Variants in GALNT9 observed in about 807,000 individuals in gnomAD.
The protein encoded by GALNT9 is polypeptide N-acetylgalactosaminyltransferase 9.
A neutral mutation model predicts 63.1 loss-of-function variants in GALNT9; 47 were observed. The observed-to-expected ratio is 0.75, with a 90% CI of 0.59 to 0.95. The LOEUF (loss-of-function observed/expected upper bound fraction) is 0.95. GALNT9 is among the 40% of genes least tolerant of loss of function. The probability of loss-of-function intolerance (pLI) is 0.00; values close to 1 mark genes in which losing one functional copy is unlikely to be tolerated. For synonymous variants in GALNT9, 396 were observed against 365.7 expected, an observed-to-expected ratio of 1.08 and a Z score of -0.94; for missense variants, 829 against 874.8, an observed-to-expected ratio of 0.95 and a Z score of 0.66.
intron 2 of GALNT9, among the ~76,000 whole-genome samples, chr12:132,271,969 G>A (rs1879883005): frequency 6.6e-6 from 1 of 152,168 alleles, no homozygotes; most frequent in Non-Finnish European, 1.5e-5. Flanking sequence ...TTGGGGACAC[G>A]TTTGCCAACT....
At chr12:132,261,268 A>G in intron 3 of GALNT9, 146 bp from the exon 4 acceptor site, 2 of 1,287,328 alleles carry the variant, frequency 1.6e-6, no homozygotes, top group South Asian at 3.0e-5. Flanking sequence ...CATGTGGTTC[A>G]GCGTGGAGGT....
intron 1 of GALNT9, among the ~76,000 whole-genome samples, chr12:132,304,614 CGGGCACAGCCTCACCG>C (rs1239008460): frequency 9.8e-5 from 3 of 30,656 alleles, no homozygotes; most frequent in Non-Finnish European, 1.7e-4. Context: ...CAGCCTCACC[CGGGCACAGCCTCACCG>C]GGGCACACCC....
At chr12:132,313,746 T>G (rs1247844799) in intron 1 of GALNT9, among the ~76,000 whole-genome samples, 1 of 84,638 alleles carries the variant, frequency 1.2e-5, no homozygotes, top group Non-Finnish European at 2.3e-5. Flanking sequence ...ACTCATCCAT[T>G]CATCCATCCA....
Position 132,245,432 on chromosome 12 carries a change from ACT to A in GALNT9, c.1077+2476_1077+2477del, listed in dbSNP as rs1275422100. Among the ~76,000 whole-genome samples, 1 of 151,748 alleles carries A rather than the reference ACT, an allele frequency of 6.6e-6. No individual in the cohort carries two copies. The highest frequency in any genetic ancestry group is 1.5e-5 in the Non-Finnish European group (1 of 67,924). On this transcript the variant is annotated intron_variant, in intron 6 of 10. Coordinates refer to ENST00000328957, the MANE Select transcript of GALNT9 (RefSeq NM_001122636.2). The surrounding 1 kb of genome is among the most constrained non-coding windows in gnomAD (Gnocchi z 6.3). ...ACTCCAGCCTGGGCAACAGAGTAAG[ACT>A]CTGTCTTAAAAAAAAGAAAGGCCCA...
Position 132,265,284 on chromosome 12 carries a change from C to T in GALNT9, c.420-2659G>A, listed in dbSNP as rs1269952160. ...GGGAGAGGCCACGGGGAGAAAATGA[C>T]GGCTGGACCGGTCCTCCCCGTGGAA... On this transcript the variant is annotated intron_variant, in intron 2 of 10. Transcript: ENST00000328957. This position sits in a 1 kb window ranked among gnomAD's most constrained non-coding sequence, Gnocchi z 5.3. Among the ~76,000 whole-genome samples the T allele has an allele frequency of 6.6e-6, 1 of 152,184 alleles. No individual in the cohort carries two copies. The highest frequency in any genetic ancestry group is 2.4e-5 in the African/African-American group (1 of 41,446).
rs763522555 is a variant in GALNT9, at chr12:132,201,130, G to A, written c.1395C>T (p.Tyr465=). The change falls in exon 8 of 11, where the codon TAC becomes TAT. Residue 465 remains tyrosine (Y), a synonymous_variant. Transcript: ENST00000328957. ...EMRVYNNTLT[Y]GEVRNSKASA... ...CCCTCGGGGGAGGTGCTACCTCTCC[G>A]TACGTGAGGGTGTTGTTGTAGACCC... 17 of 1,612,834 alleles carry A rather than the reference G, an allele frequency of 1.1e-5. No individual in the cohort carries two copies. Among genetic ancestry groups the A allele is most frequent in the Non-Finnish European group, 1.2e-5 (14 of 1,179,562 alleles).
At chr12:132,300,302 G>C (rs1444312213) in intron 1 of GALNT9, among the ~76,000 whole-genome samples, 35 of 121,600 alleles carry the variant, frequency 2.9e-4, no homozygotes, top group East Asian at 7.9e-4. Context: ...AGATGACCAA[G>C]CCACTCCTGA....
At chr12:132,203,459 C>G (rs368976040) in intron 7 of GALNT9, 46 bp downstream of exon 7, 2 of 1,600,938 alleles carry the variant, frequency 1.2e-6, no homozygotes, top group South Asian at 2.2e-5. Context: ...GGCATTGACC[C>G]CGACCCTGGG....
At chr12:132,220,666 G>C (rs1334803101) in intron 6 of GALNT9, among the ~76,000 whole-genome samples, 1 of 152,184 alleles carries the variant, frequency 6.6e-6, no homozygotes. Context: ...TGAGAAACAG[G>C]AAGGAGACAT....
At chr12:132,243,827 C>T (rs2136906000) in intron 6 of GALNT9, among the ~76,000 whole-genome samples, 5 of 152,224 alleles carry the variant, frequency 3.3e-5, no homozygotes, top group African/African-American at 9.6e-5. Flanking sequence ...CCAGCCCACC[C>T]GTCAATCACC....
chr12:132,217,362 CATCT>C (rs1419375649), intron 6 of GALNT9, among the ~76,000 whole-genome samples: 4 of 151,192 alleles, frequency 2.6e-5, no homozygotes, highest in East Asian at 2.0e-4. Flanking sequence ...TTTATCCATC[CATCT>C]ACCTACTCAT....
chr12:132,311,972 G>A (rs1881829900), intron 1 of GALNT9, among the ~76,000 whole-genome samples: 1 of 152,162 alleles, frequency 6.6e-6, no homozygotes, highest in Non-Finnish European at 1.5e-5. Flanking sequence ...AGATAAAAAA[G>A]AGAGACCCTG....
At position 132,199,170 on chromosome 12, in the gene GALNT9, C is replaced by T. The variant is rs992689720; in HGVS notation, c.1497+4G>A. ...GCTGCATGGGTGGCCGCTGCTACTCCTACCTGGGAGGACATCCCGTGGCAG... is the reference window on the plus strand; with the variant it reads ...GCTGCATGGGTGGCCGCTGCTACTCTTACCTGGGAGGACATCCCGTGGCAG... On this transcript the variant is annotated splice_donor_region_variant and intron_variant, in intron 9 of 10. Transcript: ENST00000328957. 2 of 1,590,236 alleles carry T rather than the reference C, an allele frequency of 1.3e-6. No homozygotes were observed. The highest frequency in any genetic ancestry group is 1.7e-6 in the Non-Finnish European group (2 of 1,168,380).
At chr12:132,308,963 G>A (rs1881717988) in intron 1 of GALNT9, among the ~76,000 whole-genome samples, 1 of 152,212 alleles carries the variant, frequency 6.6e-6, no homozygotes, top group African/African-American at 2.4e-5. Context: ...AGGCGGCTGT[G>A]GAGCAGGGGT....
intron 5 of GALNT9, among the ~76,000 whole-genome samples, chr12:132,250,836 C>G (rs999523087): frequency 6.6e-6 from 1 of 152,178 alleles, no homozygotes; most frequent in Non-Finnish European, 1.5e-5. Flanking sequence ...GGTAAGACGG[C>G]GAGGAGGCGG....
In GALNT9 at chr12:132,240,814, T is replaced by C. The variant is rs1878257681; in HGVS notation, c.1077+7096A>G. The stretch of plus-strand genomic sequence containing the variant: ...TGTTTACACACATGCCACACACCCT[T>C]CCCAAGGCCGTCCCTATACCCATTA... On this transcript the variant is annotated intron_variant, in intron 6 of 10. Transcript: ENST00000328957. 1.2e-5 allele frequency: 5 copies of C among 420,608 alleles called. 1 individual carries two copies. The highest frequency in any genetic ancestry group is 2.5e-5 in the Admixed American group (1 of 40,060). The allele number at this position is 420,608 out of a possible 1,614,324, so 26.1% of individuals were successfully genotyped here. A position where few individuals can be genotyped will look rare whatever the true frequency, so the allele number is the denominator to read the frequency against.
chr12:132,328,960 GCTCACCGT>G lies in GALNT9; in HGVS notation c.236_238+5del. 6.6e-7 allele frequency: 1 copy of G among 1,515,726 alleles called. No homozygotes were observed. Among genetic ancestry groups the G allele is most frequent in the South Asian group, 1.2e-5 (1 of 81,556 alleles). 93.9% of individuals were successfully genotyped at this position (1,515,726 alleles called of 1,614,324 possible). On this transcript the variant is annotated splice_donor_variant and splice_donor_5th_base_variant and coding_sequence_variant and intron_variant, in exon 1 of 11. Transcript: ENST00000328957. LOFTEE classifies it high-confidence loss of function. ...GCCCCCACTCCGCCCCGGCGCCCCC[GCTCACCGT>G]TGAGCTGGTTGTAGACCACCTCCTC...
intron 1 of GALNT9, among the ~76,000 whole-genome samples, chr12:132,325,916 C>T (rs1869016732): frequency 6.6e-6 from 1 of 152,296 alleles, no homozygotes; most frequent in Admixed American, 6.5e-5. Flanking sequence ...ATTCTCCTCT[C>T]CCAGCAGAGT....
chr12:132,225,046 C>T (rs1729619275), intron 6 of GALNT9, among the ~76,000 whole-genome samples: 2 of 137,534 alleles, frequency 1.5e-5, no homozygotes, highest in Admixed American at 7.3e-5. Context: ...CCACACCCCA[C>T]ACACTACATA....
Sources: gnomAD v4.1 joint callset for allele counts (sites outside exome capture counted in the v4.1 genomes callset) on GRCh38, gnomAD v4.1.1 for gene constraint, Gnocchi (gnomAD v3.1) non-coding constraint, MANE v1.5 for transcripts, NCBI Gene and HGNC (gene_info 2026-07-23, HGNC 2026-07-21) for gene names.